Variants in LRRC69 observed in about 807,000 individuals in gnomAD.
LRRC69 encodes leucine rich repeat containing 69, also known as leucine-rich repeat-containing protein 69.
In LRRC69, 42 loss-of-function variants were observed where a neutral mutation model predicts 37.8. The ratio of observed to expected loss-of-function variants is 1.11; its 90% CI spans 0.87 to 1.44. LRRC69 has a LOEUF of 1.44. LRRC69 is among the 40% of genes most tolerant of loss of function. The pLI, the probability that LRRC69 is intolerant of heterozygous loss-of-function variation, is 0.00. For synonymous variants in LRRC69, 141 were observed against 143.1 expected, an observed-to-expected ratio of 0.99 and a Z score of 0.11; for missense variants, 357 against 401.9, an observed-to-expected ratio of 0.89 and a Z score of 0.96.
chr8:91,108,645 G>A (rs1211657221), intron 1 of LRRC69, among the ~76,000 whole-genome samples: 4 of 152,096 alleles, frequency 2.6e-5, no homozygotes, highest in Admixed American at 2.0e-4. Flanking sequence ...CGTGGCCCGC[G>A]GGCCACATGC....
At chr8:91,127,269 A>G in intron 3 of LRRC69, 109 bp downstream of exon 3, 2 of 785,554 alleles carry the variant, frequency 2.5e-6, no homozygotes, top group Non-Finnish European at 2.0e-6. Context: ...AGATTTATAC[A>G]TAGCAAAGAG....
chr8:91,102,662 A>G (rs907810945), exon 1 of LRRC69: 4 of 1,549,176 alleles, frequency 2.6e-6, no homozygotes, highest in Non-Finnish European at 3.5e-6. Context: ...TTCCAAGATC[A>G]TGACTGAGAG....
chr8:91,106,501 A>G (rs1229884622), intron 1 of LRRC69, among the ~76,000 whole-genome samples: 1 of 152,066 alleles, frequency 6.6e-6, no homozygotes, highest in African/African-American at 2.4e-5. Context: ...CAAGCATAGT[A>G]TCAGGAGCTC....
intron 5 of LRRC69, among the ~76,000 whole-genome samples, chr8:91,141,691 TATC>T (rs1350200564): frequency 5.3e-5 from 8 of 152,110 alleles, no homozygotes; most frequent in Admixed American, 1.3e-4. Context: ...AACCTGGAGA[TATC>T]ATAAGAACAA....
intron 6 of LRRC69, among the ~76,000 whole-genome samples, chr8:91,200,066 C>T (rs1809686734): frequency 6.6e-6 from 1 of 152,108 alleles, no homozygotes; most frequent in Non-Finnish European, 1.5e-5. Flanking sequence ...TAGACCAGTG[C>T]TTCTCAAATT....
At chr8:91,152,278 A>T (rs879112785) in intron 5 of LRRC69, among the ~76,000 whole-genome samples, 21 of 151,348 alleles carry the variant, frequency 1.4e-4, no homozygotes, top group Admixed American at 6.6e-4. Flanking sequence ...TTTATATTTA[A>T]GTCTTCAATC....
chr8:91,200,928 C>A, intron 7 of LRRC69, 136 bp downstream of exon 7: 1 of 724,278 alleles, frequency 1.4e-6, no homozygotes, highest in South Asian at 3.7e-5. Flanking sequence ...TTTGGATAGA[C>A]AAATTTGGAT....
At chr8:91,192,705 C>G (rs1490515144) in intron 6 of LRRC69, among the ~76,000 whole-genome samples, 2 of 151,798 alleles carry the variant, frequency 1.3e-5, no homozygotes, top group African/African-American at 4.8e-5. Context: ...TTGTTTTTTT[C>G]TTGTAAATTT....
rs577325535 is a variant in LRRC69 at position 91,115,558 on chromosome 8, C to G, written c.184-8935C>G. On this transcript the variant is annotated intron_variant, in intron 1 of 7. Coordinates refer to ENST00000448384, the Ensembl canonical transcript of LRRC69. ...CTGAGCTAAGAGTTTAGGCTTAATT[C>G]AGCAAATGGGATGCATTGTTCTCTA... Among the ~76,000 whole-genome samples, 5 of 152,020 alleles carry G rather than the reference C, an allele frequency of 3.3e-5. No individual in the cohort carries two copies. In the East Asian group the frequency reaches 9.7e-4, roughly 29 times the overall value.
At chr8:91,205,993 A>G (rs1809797666) in intron 7 of LRRC69, among the ~76,000 whole-genome samples, 1 of 152,218 alleles carries the variant, frequency 6.6e-6, no homozygotes, top group Admixed American at 6.5e-5. Flanking sequence ...ATTTAGCAAA[A>G]TTTGTAGTAA....
At position 91,190,577 on chromosome 8, in the gene LRRC69, T is replaced by G. The variant is rs1257783828; in HGVS notation, c.753+954T>G. On this transcript the variant is annotated intron_variant, in intron 6 of 7. Transcript: ENST00000448384. ...TCTATACACTATATAGAGTTGTTTT[T>G]CCACTCAATTATTGTGAATAGCTTT... is the stretch of plus-strand genomic sequence containing the variant. 3.3e-5 allele frequency among the ~76,000 whole-genome samples: 5 copies of G among 152,278 alleles called. No homozygotes were observed. The South Asian group carries it at 1.0e-3, about 32-fold the overall frequency.
intron 7 of LRRC69, among the ~76,000 whole-genome samples, chr8:91,218,332 A>T (rs1810092826): frequency 1.4e-5 from 1 of 70,040 alleles, no homozygotes; most frequent in African/African-American, 7.6e-5. Flanking sequence ...GGCTAACAGG[A>T]TTTTGACTGC....
intron 7 of LRRC69, among the ~76,000 whole-genome samples, chr8:91,212,532 A>G (rs1809950039): frequency 6.6e-6 from 1 of 152,284 alleles, no homozygotes; most frequent in South Asian, 2.1e-4. Flanking sequence ...TTGTAACTTT[A>G]ATTCCTTTTT....
At chr8:91,158,070 C>T in intron 5 of LRRC69, 1 of 1,404,574 alleles carries the variant, frequency 7.1e-7, no homozygotes, top group Non-Finnish European at 1.0e-6. Context: ...AGGCCCTACT[C>T]AATACATGCC....
chr8:91,188,768 C>A (rs1025271982), intron 5 of LRRC69, among the ~76,000 whole-genome samples: 1 of 151,394 alleles, frequency 6.6e-6, no homozygotes, highest in Non-Finnish European at 1.5e-5. Flanking sequence ...TTGTAGACTG[C>A]AATTGGATTT....
chr8:91,118,642 A>G (rs571308319), intron 1 of LRRC69: 1 of 170,268 alleles, frequency 5.9e-6, no homozygotes, highest in South Asian at 1.3e-4. Flanking sequence ...GTGTCTTTCC[A>G]TCTATAACCA....
intron 5 of LRRC69, among the ~76,000 whole-genome samples, chr8:91,162,573 C>T (rs1286872811): frequency 6.6e-6 from 1 of 151,252 alleles, no homozygotes; most frequent in African/African-American, 2.4e-5. Context: ...TATAGTTACT[C>T]CTGCTCACTT....
intron 1 of LRRC69, among the ~76,000 whole-genome samples, chr8:91,110,732 T>C (rs1046541093): frequency 6.6e-6 from 1 of 152,036 alleles, no homozygotes; most frequent in African/African-American, 2.4e-5. Flanking sequence ...TTTCTAGTGA[T>C]AATTAATAGC....
rs1323358057 is a variant in LRRC69 at position 91,194,767 on chromosome 8, T to A, written c.753+5144T>A. Among the ~76,000 whole-genome samples the A allele has an allele frequency of 4.3e-3, 658 of 151,982 alleles. 3 individuals carry two copies. Among genetic ancestry groups the A allele is most frequent in the Admixed American group, 6.6e-3 (101 of 15,266 alleles). On this transcript the variant is annotated intron_variant, in intron 6 of 7. Coordinates refer to ENST00000448384, the Ensembl canonical transcript of LRRC69. ...TTATTAGTCTTGCTAGTGGTCTATCTATTTTGTTGATCCTTTCAAAAAACC... is the reference window on the plus strand; with the variant it reads ...TTATTAGTCTTGCTAGTGGTCTATCAATTTTGTTGATCCTTTCAAAAAACC...
Sources: gnomAD v4.1 joint callset for allele counts (sites outside exome capture counted in the v4.1 genomes callset) on GRCh38, gnomAD v4.1.1 for gene constraint, MANE v1.5 for transcripts, NCBI Gene and HGNC (gene_info 2026-07-23, HGNC 2026-07-21) for gene names.